Variants in CACNA2D1 observed in about 807,000 individuals in gnomAD.
The protein encoded by CACNA2D1 is voltage-dependent calcium channel subunit alpha-2/delta-1.
CACNA2D1 carries 53 observed loss-of-function variants against 171.5 expected under a neutral mutation model. The observed-to-expected ratio is 0.31, with a 90% CI of 0.25 to 0.39. The LOEUF is 0.39. CACNA2D1 is among the 10% of genes least tolerant of loss of function. The probability of loss-of-function intolerance (pLI) is 1.00; values close to 1 mark genes in which losing one functional copy is unlikely to be tolerated. For synonymous variants in CACNA2D1, 442 were observed against 443.1 expected (o/e 1.00, Z 0.03); for missense variants, 903 against 1,299.8 (o/e 0.69, Z 4.69).
intron 10 of CACNA2D1, among the ~76,000 whole-genome samples, chr7:82,056,724 C>T (rs1805952483): frequency 6.6e-6 from 1 of 152,086 alleles, no homozygotes; most frequent in Admixed American, 6.6e-5. Context: ...CATTTTACCC[C>T]CTTGGAGAAG....
chr7:82,259,383 T>G (rs1297618745), intron 3 of CACNA2D1, among the ~76,000 whole-genome samples: 1 of 152,222 alleles, frequency 6.6e-6, no homozygotes, highest in African/African-American at 2.4e-5. Context: ...TTTTAAATTA[T>G]AAATATTTTA....
At chr7:82,052,546 T>A (rs1015392021) in intron 10 of CACNA2D1, among the ~76,000 whole-genome samples, 2 of 152,176 alleles carry the variant, frequency 1.3e-5, no homozygotes, top group Non-Finnish European at 2.9e-5. Flanking sequence ...TTTACCTGTA[T>A]CAATTTCAGA....
At chr7:82,209,550 G>T (rs2129222467) in intron 3 of CACNA2D1, among the ~76,000 whole-genome samples, 1 of 152,244 alleles carries the variant, frequency 6.6e-6, no homozygotes, top group African/African-American at 2.4e-5. Context: ...CGCCTCATAA[G>T]CAGCCCCATG....
At position 82,392,752 on chromosome 7, in the gene CACNA2D1, A is replaced by G. The variant is rs1825277397; in HGVS notation, c.96-43103T>C. ...GGAGAATAGATAGTATATGAACACT[A>G]GGTACCTTGGGGAAAAGAAAATCAT... On this transcript the variant is annotated intron_variant, in intron 1 of 38. Coordinates refer to ENST00000356860, the MANE Select transcript of CACNA2D1 (RefSeq NM_000722.4). Among the ~76,000 whole-genome samples, 3 of 152,286 alleles carry G rather than the reference A, an allele frequency of 2.0e-5. No individual in the cohort carries two copies. The South Asian group carries it at 6.2e-4, about 32-fold the overall frequency.
chr7:82,259,210 C>G (rs925775674), intron 3 of CACNA2D1, among the ~76,000 whole-genome samples: 21 of 127,408 alleles, frequency 1.6e-4, no homozygotes, highest in Non-Finnish European at 2.6e-4. Context: ...TGATAAAAGA[C>G]AGATGAGAGA....
At chr7:82,292,445 G>A (rs1811761516) in intron 3 of CACNA2D1, among the ~76,000 whole-genome samples, 2 of 152,074 alleles carry the variant, frequency 1.3e-5, no homozygotes, top group South Asian at 4.1e-4. Context: ...TTTTGTTGGA[G>A]CACTTCCTCC....
At chr7:82,137,562 T>C (rs1791775975) in intron 4 of CACNA2D1, among the ~76,000 whole-genome samples, 1 of 151,862 alleles carries the variant, frequency 6.6e-6, no homozygotes, top group African/African-American at 2.4e-5. Flanking sequence ...CTCTTAAACA[T>C]CCAAAAACAT....
At chr7:82,245,419 C>T (rs369349513) in intron 3 of CACNA2D1, among the ~76,000 whole-genome samples, 37 of 152,196 alleles carry the variant, frequency 2.4e-4, no homozygotes, top group African/African-American at 7.2e-4. Context: ...AATTGAAATT[C>T]GCCTTTAATG....
chr7:82,115,640 A>G (rs1428386685), intron 6 of CACNA2D1, among the ~76,000 whole-genome samples: 1 of 151,948 alleles, frequency 6.6e-6, no homozygotes, highest in African/African-American at 2.4e-5. Flanking sequence ...AACACTTAAA[A>G]GGAGAAACAA....
Position 82,363,254 on chromosome 7 carries a change from CTTTTTTTTTTTTTTT to C in CACNA2D1, c.96-13620_96-13606del, listed in dbSNP as rs35419275. 1.1e-4 allele frequency among the ~76,000 whole-genome samples: 7 copies of C among 63,420 alleles called. No homozygotes were observed. In the Admixed American group the frequency reaches 1.2e-3, roughly 11 times the overall value. 41.6% of individuals were successfully genotyped at this position (63,420 alleles called of 152,430 possible). ...CTACCATAGTTTTATTTATTTGTCT[CTTTTTTTTTTTTTTT>C]TTTTTTTTTTTTTTGAGACGGAGTC... On this transcript the variant is annotated intron_variant, in intron 1 of 38. Transcript: ENST00000356860.
At chr7:82,246,234 T>A (rs1585208654) in intron 3 of CACNA2D1, among the ~76,000 whole-genome samples, 1 of 151,000 alleles carries the variant, frequency 6.6e-6, no homozygotes, top group Admixed American at 6.6e-5. Context: ...TATATCTATA[T>A]ATATATCTTT....
At chr7:82,300,698 A>T (rs1416284535) in intron 3 of CACNA2D1, among the ~76,000 whole-genome samples, 1 of 152,158 alleles carries the variant, frequency 6.6e-6, no homozygotes, top group Non-Finnish European at 1.5e-5. Context: ...TACTTAGAAT[A>T]GTGAGGTTAC....
At chr7:82,312,547 C>T (rs1814607712) in intron 3 of CACNA2D1, among the ~76,000 whole-genome samples, 1 of 134,056 alleles carries the variant, frequency 7.5e-6, no homozygotes, top group South Asian at 2.5e-4. Context: ...AAGAGTCTTA[C>T]TCTGTCACCT....
intron 1 of CACNA2D1, among the ~76,000 whole-genome samples, chr7:82,413,655 G>A (rs1346693942): frequency 6.6e-6 from 1 of 152,102 alleles, no homozygotes; most frequent in African/African-American, 2.4e-5. Context: ...AGTAATTTAG[G>A]AAAAATATAA....
chr7:82,010,538 A>T (rs1011895466), intron 15 of CACNA2D1, among the ~76,000 whole-genome samples: 6 of 152,140 alleles, frequency 3.9e-5, no homozygotes, highest in Non-Finnish European at 7.4e-5. Context: ...GGGCATAATT[A>T]TTGACTCCTC....
At position 82,026,340 on chromosome 7, in the gene CACNA2D1, TTTC is replaced by T. The variant is rs564445381; in HGVS notation, c.1143+6454_1143+6456del. Reference sequence around the variant, plus strand: ...TCATTTTGTTATTTTCTGTCTTATTTTTCTTTTGTATTTTCTTTCTTCCTTTAT... The same window carrying T: ...TCATTTTGTTATTTTCTGTCTTATTTTTTTGTATTTTCTTTCTTCCTTTAT... On this transcript the variant is annotated intron_variant, in intron 12 of 38. Coordinates refer to ENST00000356860, the MANE Select transcript of CACNA2D1 (RefSeq NM_000722.4). Among the ~76,000 whole-genome samples the T allele has an allele frequency of 9.5e-3, 1,435 of 151,844 alleles. 18 individuals carry two copies. Among genetic ancestry groups the T allele is most frequent in the Non-Finnish European group, 0.016 (1,112 of 67,762 alleles).
intron 4 of CACNA2D1, among the ~76,000 whole-genome samples, chr7:82,142,588 T>C (rs1472235039): frequency 3.3e-5 from 5 of 152,194 alleles, no homozygotes; most frequent in Non-Finnish European, 7.3e-5. Context: ...AATTAAAATA[T>C]ATGACACATT....
Position 82,134,808 on chromosome 7 carries a change from T to C in CACNA2D1, c.396+1827A>G, listed in dbSNP as rs559694874. Reference sequence around the variant, plus strand: ...AATGAACATTAGTGAAGGCAAACTATGTAACAATATTAGAACAACTGAAGT... The same window carrying C: ...AATGAACATTAGTGAAGGCAAACTACGTAACAATATTAGAACAACTGAAGT... On this transcript the variant is annotated intron_variant, in intron 5 of 38. Coordinates refer to ENST00000356860, the MANE Select transcript of CACNA2D1 (RefSeq NM_000722.4). Among the ~76,000 whole-genome samples, 3 of 152,284 alleles carry C rather than the reference T, an allele frequency of 2.0e-5. No individual in the cohort carries two copies. In the East Asian group the frequency reaches 5.8e-4, roughly 29 times the overall value.
intron 1 of CACNA2D1, among the ~76,000 whole-genome samples, chr7:82,421,947 T>C (rs1346628806): frequency 6.6e-6 from 1 of 152,202 alleles, no homozygotes; most frequent in Non-Finnish European, 1.5e-5. Flanking sequence ...TTATATTCCT[T>C]AAACATACTT....
Sources: allele counts gnomAD v4.1 joint callset (sites outside exome capture counted in the v4.1 genomes callset), GRCh38; gene constraint gnomAD v4.1.1; transcripts MANE v1.5; gene names NCBI Gene and HGNC (gene_info 2026-07-23, HGNC 2026-07-21).